RALGPS1: variants seen among roughly 807,000 people sequenced by gnomAD.
The protein encoded by RALGPS1 is ras-specific guanine nucleotide-releasing factor RalGPS1.
RALGPS1 carries 19 observed loss-of-function variants against 78.8 expected under a neutral mutation model. The observed-to-expected ratio is 0.24, with a 90% confidence interval of 0.17 to 0.35. RALGPS1 has a LOEUF of 0.35. Ranked by LOEUF, RALGPS1 falls within the 10% of genes least tolerant of loss-of-function variation. The pLI is 1.00. For missense variants in RALGPS1, 454 were observed against 688.3 expected (o/e 0.66, Z 3.81); for synonymous variants, 228 against 256.3 (o/e 0.89, Z 1.06).
intron 8 of RALGPS1, among the ~76,000 whole-genome samples, chr9:127,114,370 A>C (rs2055179480): frequency 6.6e-6 from 1 of 152,250 alleles, no homozygotes. Flanking sequence ...ATTAATAAGT[A>C]GTAGAGCCAC....
chr9:127,194,083 A>G (rs574049036), intron 11 of RALGPS1, among the ~76,000 whole-genome samples: 24 of 152,238 alleles, frequency 1.6e-4, no homozygotes, highest in Non-Finnish European at 3.2e-4. Context: ...GTGACCTGTT[A>G]GCCCCATGAC....
intron 14 of RALGPS1, among the ~76,000 whole-genome samples, chr9:127,202,856 G>A (rs1243659548): frequency 6.6e-6 from 1 of 152,104 alleles, no homozygotes; most frequent in Non-Finnish European, 1.5e-5. Context: ...AGGAGAGAAG[G>A]GGGGCCCCCA....
chr9:126,990,018 G>C, intron 4 of RALGPS1: 1 of 1,549,528 alleles, frequency 6.5e-7, no homozygotes. Context: ...CTGGCCTTTT[G>C]TCTGGATGCC....
At chr9:127,028,642 C>T (rs1411496393) in intron 4 of RALGPS1, among the ~76,000 whole-genome samples, 1 of 152,240 alleles carries the variant, frequency 6.6e-6, no homozygotes, top group Admixed American at 6.5e-5. Flanking sequence ...CCCCTGCACC[C>T]ACTGCTCAGC....
rs1223296392 is a variant in RALGPS1 at position 127,021,340 on chromosome 9, A to G, written c.217-13091A>G. The stretch of plus-strand genomic sequence containing the variant: ...AACATGGTGAAACCCCGTCTCTACT[A>G]AAAATACAAAAACTTAGCCGGGCAT... On this transcript the variant is annotated intron_variant, in intron 4 of 18. Transcript: ENST00000259351. Among the ~76,000 whole-genome samples, 4 of 152,182 alleles carry G rather than the reference A, an allele frequency of 2.6e-5. No homozygotes were observed. The East Asian group carries it at 5.8e-4, about 22-fold the overall frequency.
chr9:127,172,853 G>C (rs1009770417), intron 10 of RALGPS1, among the ~76,000 whole-genome samples: 1 of 151,854 alleles, frequency 6.6e-6, no homozygotes, highest in Non-Finnish European at 1.5e-5. Flanking sequence ...TTCTCGGTTG[G>C]GCCATTGGGC....
intron 1 of RALGPS1, among the ~76,000 whole-genome samples, chr9:126,960,674 A>G (rs886134558): frequency 2.0e-5 from 3 of 152,164 alleles, no homozygotes; most frequent in Admixed American, 6.5e-5. Context: ...GCCAACTGCA[A>G]TTATCCAGGC....
intron 1 of RALGPS1, among the ~76,000 whole-genome samples, chr9:126,922,100 G>A (rs528327197): frequency 1.3e-5 from 2 of 152,302 alleles, no homozygotes; most frequent in South Asian, 4.2e-4. Context: ...GGAGAGGACG[G>A]AGCCATTCTG....
In RALGPS1 at chr9:127,212,780, G is replaced by C. The variant is rs1330712623; in HGVS notation, c.1446+61G>C. On this transcript the variant is annotated intron_variant, in intron 16 of 18. Coordinates refer to ENST00000259351, the MANE Select transcript of RALGPS1 (RefSeq NM_014636.3). This position sits in a 1 kb window ranked among gnomAD's most constrained non-coding sequence, Gnocchi z 6.0. ...CCTCTAGTGGGGAAGGGACCTCTGT[G>C]AACTGTGGAGGATGGGGGTGGGAAA... 23 of 1,532,934 alleles carry C rather than the reference G, an allele frequency of 1.5e-5. No homozygotes were observed. The East Asian group carries it at 5.3e-4, about 35-fold the overall frequency. The allele number at this position is 1,532,934 out of a possible 1,614,324, so 95.0% of individuals were successfully genotyped here.
chr9:126,977,951 C>T (rs1341575523), intron 4 of RALGPS1: 16 of 442,774 alleles, frequency 3.6e-5, no homozygotes, highest in African/African-American at 3.3e-4. Context: ...GTCTGGCCTA[C>T]TCTGGCAGGG....
intron 8 of RALGPS1, among the ~76,000 whole-genome samples, chr9:127,112,973 G>A (rs1253200051): frequency 6.6e-6 from 1 of 152,222 alleles, no homozygotes; most frequent in African/African-American, 2.4e-5. Context: ...TCAAAAAGGT[G>A]TAGGGGTAGC....
intron 4 of RALGPS1, among the ~76,000 whole-genome samples, chr9:126,997,702 A>C (rs1417304306): frequency 6.6e-6 from 1 of 152,178 alleles, no homozygotes; most frequent in African/African-American, 2.4e-5. Context: ...AAAAGAGCCC[A>C]CATCGCCAAG....
chr9:127,116,590 C>G (rs1349267155), intron 8 of RALGPS1, among the ~76,000 whole-genome samples: 2 of 152,154 alleles, frequency 1.3e-5, no homozygotes, highest in Admixed American at 1.3e-4. Flanking sequence ...TGGGAAAGCC[C>G]TAGACAAGAG....
intron 4 of RALGPS1, among the ~76,000 whole-genome samples, chr9:126,996,782 A>G (rs2133390312): frequency 6.6e-6 from 1 of 152,370 alleles, no homozygotes; most frequent in East Asian, 1.9e-4. Context: ...AAAAATCCTC[A>G]ATAAAATACT....
At chr9:127,204,624 C>CTA (rs1275513476) in intron 14 of RALGPS1, among the ~76,000 whole-genome samples, 1 of 152,176 alleles carries the variant, frequency 6.6e-6, no homozygotes, top group Non-Finnish European at 1.5e-5. Flanking sequence ...GAGGGCCCCT[C>CTA]TAAGAGGTCG....
intron 9 of RALGPS1, among the ~76,000 whole-genome samples, chr9:127,167,254 C>T (rs1350293244): frequency 6.6e-6 from 1 of 152,214 alleles, no homozygotes; most frequent in East Asian, 1.9e-4. Flanking sequence ...AGCCCCTCCA[C>T]AGCATCCCCA....
intron 14 of RALGPS1, among the ~76,000 whole-genome samples, chr9:127,208,316 C>T (rs2062043322): frequency 6.6e-6 from 1 of 152,186 alleles, no homozygotes; most frequent in Non-Finnish European, 1.5e-5. Flanking sequence ...GTAGAGGTGC[C>T]TCTGAGAGGA....
At chr9:127,115,717 A>G (rs1468179854) in intron 8 of RALGPS1, among the ~76,000 whole-genome samples, 1 of 152,236 alleles carries the variant, frequency 6.6e-6, no homozygotes, top group Non-Finnish European at 1.5e-5. Flanking sequence ...TGTTGACTGA[A>G]TAAGTAGAAA....
chr9:127,002,038 C>T (rs1279368925), intron 4 of RALGPS1, among the ~76,000 whole-genome samples: 1 of 152,124 alleles, frequency 6.6e-6, no homozygotes, highest in African/African-American at 2.4e-5. Flanking sequence ...TAACTCAATG[C>T]ATTTTTACAA....
Sources: allele counts gnomAD v4.1 joint callset (sites outside exome capture counted in the v4.1 genomes callset), GRCh38; gene constraint gnomAD v4.1.1; non-coding constraint Gnocchi (gnomAD v3.1); transcripts MANE v1.5; gene names NCBI Gene and HGNC (gene_info 2026-07-23, HGNC 2026-07-21).